Variants in CERKL observed in about 807,000 individuals in gnomAD.
CERKL encodes the protein CERK like autophagy regulator, also known as ceramide kinase-like protein.
A neutral mutation model predicts 63.4 loss-of-function variants in CERKL; 61 were observed. The ratio of observed to expected loss-of-function variants is 0.96; its 90% confidence interval spans 0.78 to 1.19. CERKL has a LOEUF of 1.19. CERKL is among the 50% of genes most tolerant of loss of function. CERKL has a pLI of 0.00. For synonymous variants in CERKL, 250 were observed against 230.5 expected (o/e 1.08, Z -0.77); for missense variants, 675 against 655.5 (o/e 1.03, Z -0.33).
chr2:181,584,398 A>G (rs1425010232), intron 2 of CERKL, among the ~76,000 whole-genome samples: 1 of 152,026 alleles, frequency 6.6e-6, no homozygotes, highest in Non-Finnish European at 1.5e-5. Flanking sequence ...TGTAATCTCA[A>G]CTACTAGGGA....
intron 5 of CERKL, among the ~76,000 whole-genome samples, chr2:181,553,641 C>T (rs1483283128): frequency 6.6e-6 from 1 of 152,122 alleles, no homozygotes; most frequent in Admixed American, 6.6e-5. Context: ...TCTTCTCAGG[C>T]TTTGCAACTT....
At chr2:181,647,877 T>C (rs902079888) in intron 1 of CERKL, among the ~76,000 whole-genome samples, 5 of 151,812 alleles carry the variant, frequency 3.3e-5, no homozygotes, top group Non-Finnish European at 5.9e-5. Flanking sequence ...AGTTATAAAA[T>C]GAGAAATTAA....
intron 1 of CERKL, among the ~76,000 whole-genome samples, chr2:181,613,334 T>C (rs950212430): frequency 1.4e-4 from 21 of 152,194 alleles, no homozygotes; most frequent in Non-Finnish European, 4.4e-5. Context: ...CAAGACAGCA[T>C]ATGTATAAAT....
chr2:181,586,979 A>G (rs780940327), intron 2 of CERKL, among the ~76,000 whole-genome samples: 1 of 152,196 alleles, frequency 6.6e-6, no homozygotes, highest in African/African-American at 2.4e-5. Flanking sequence ...CAAACACAGG[A>G]AATAGAAACC....
intron 1 of CERKL, among the ~76,000 whole-genome samples, chr2:181,655,854 A>C (rs1366673991): frequency 1.3e-5 from 2 of 152,116 alleles, no homozygotes; most frequent in Non-Finnish European, 2.9e-5. Context: ...TTCCTCCCCC[A>C]TTTCATCTGT....
rs1394855991 is a variant in CERKL, at chr2:181,550,861, C to G, written c.821-1153G>C. Among the ~76,000 whole-genome samples, 1 of 151,948 alleles carries G rather than the reference C, an allele frequency of 6.6e-6. No homozygotes were observed. The highest frequency in any genetic ancestry group is 1.5e-5 in the Non-Finnish European group (1 of 67,986). On this transcript the variant is annotated intron_variant, in intron 5 of 12. Transcript: ENST00000410087. This position sits in a 1 kb window ranked among gnomAD's most constrained non-coding sequence, Gnocchi z 4.5. ...TAAGCACAATTACTTCTAGTAATAC[C>G]AGTGCAAAGAAAAGTTTATTTTAAC...
chr2:181,655,650 T>G (rs1404402410), intron 1 of CERKL, among the ~76,000 whole-genome samples: 1 of 152,242 alleles, frequency 6.6e-6, no homozygotes, highest in Admixed American at 6.5e-5. Flanking sequence ...TTGGTTTCAT[T>G]TTGTTAGACT....
intron 2 of CERKL, 88 bp from the exon 3 acceptor site, chr2:181,573,972 A>C (rs1689019312): frequency 1.7e-6 from 2 of 1,195,022 alleles, no homozygotes; most frequent in South Asian, 2.6e-5. Context: ...GTCTGTTAGA[A>C]TGTTATATGC....
chr2:181,540,054 A>C (rs1225102101), intron 11 of CERKL, among the ~76,000 whole-genome samples: 1 of 2,246 alleles, frequency 4.5e-4, no homozygotes, highest in African/African-American at 5.1e-4. Flanking sequence ...TGTAAACCTC[A>C]ATGAAACAGT....
intron 1 of CERKL, among the ~76,000 whole-genome samples, chr2:181,628,538 G>A (rs1446855508): frequency 6.6e-6 from 1 of 152,076 alleles, no homozygotes; most frequent in Non-Finnish European, 1.5e-5. Flanking sequence ...CCAAAGATTA[G>A]TCCAAAGCCT....
chr2:181,600,979 A>AAAAATC (rs1165321379), intron 2 of CERKL, among the ~76,000 whole-genome samples: 1 of 152,122 alleles, frequency 6.6e-6, no homozygotes, highest in African/African-American at 2.4e-5. Context: ...ATAAGATAAA[A>AAAAATC]AAAATCAAAA....
At chr2:181,600,553 C>T (rs1394119023) in intron 2 of CERKL, among the ~76,000 whole-genome samples, 1 of 152,044 alleles carries the variant, frequency 6.6e-6, no homozygotes, top group African/African-American at 2.4e-5. Context: ...TAAAAAAGAA[C>T]AGATGTTGCT....
At position 181,537,425 on chromosome 2, in the gene CERKL, A is replaced by G. The variant is rs925295942; in HGVS notation, c.*759T>C. 8.8e-6 allele frequency: 4 copies of G among 453,812 alleles called. No homozygotes were observed. The Admixed American group carries it at 9.4e-5, about 11-fold the overall frequency. The allele number at this position is 453,812 out of a possible 1,614,324, so 28.1% of individuals were successfully genotyped here. ...TCAAAATAGTATTTGTTATCAACTT[A>G]CTTTGTTACTTGTATCATGAATTTT... On this transcript the variant is annotated 3_prime_UTR_variant, in exon 13 of 13. Transcript: ENST00000410087.
Position 181,544,774 on chromosome 2 carries a change from G to C in CERKL, c.1291C>G (p.Leu431Val), listed in dbSNP as rs34150300. 4.4e-6 allele frequency: 7 copies of C among 1,602,802 alleles called. No homozygotes were observed. Among genetic ancestry groups the C allele is most frequent in the African/African-American group, 4.0e-5 (3 of 74,614 alleles). ...CGAGAAGTGTTTCGGGCAATTATAA[G>C]AGCCATACTTCCATTATTTAATCTG... ...NTRLNNGSMA[L>V]IIARNTSRPE... The change falls in exon 11 of 13, where the codon CTT becomes GTT. Residue 431 changes from leucine to valine, a missense_variant. Leu to Val is a conservative substitution (Grantham distance 32). Coordinates refer to ENST00000410087, the MANE Select transcript of CERKL (RefSeq NM_201548.5).
In CERKL at chr2:181,637,660, A is replaced by C. The variant is rs376988363; in HGVS notation, c.238+19109T>G. On this transcript the variant is annotated intron_variant, in intron 1 of 12. Coordinates refer to ENST00000410087, the MANE Select transcript of CERKL (RefSeq NM_201548.5). ...TACAGGAAGGAAGGAAAAGCATAGAAGGGAAACATAAAAGCTATACTTCCT... is the reference window on the plus strand; with the variant it reads ...TACAGGAAGGAAGGAAAAGCATAGACGGGAAACATAAAAGCTATACTTCCT... Among the ~76,000 whole-genome samples the C allele has an allele frequency of 5.9e-5, 9 of 152,312 alleles. No individual in the cohort carries two copies. In the East Asian group the frequency reaches 1.3e-3, roughly 23 times the overall value.
chr2:181,618,418 A>AT (rs1218883850), intron 1 of CERKL, among the ~76,000 whole-genome samples: 1 of 151,322 alleles, frequency 6.6e-6, no homozygotes, highest in Non-Finnish European at 1.5e-5. Flanking sequence ...TTTTATTTTT[A>AT]TTTTTTTTAT....
intron 1 of CERKL, among the ~76,000 whole-genome samples, chr2:181,652,566 C>G (rs1489174091): frequency 2.0e-5 from 3 of 152,104 alleles, no homozygotes; most frequent in Non-Finnish European, 2.9e-5. Context: ...ATTCTCGACA[C>G]TGACCTGAGC....
rs371886640 is a variant in CERKL at position 181,583,069 on chromosome 2, C to T, written c.482-9185G>A. Among the ~76,000 whole-genome samples, 25 of 151,746 alleles carry T rather than the reference C, an allele frequency of 1.6e-4. 1 individual carries two copies. In the East Asian group the frequency reaches 2.7e-3, roughly 16 times the overall value. On this transcript the variant is annotated intron_variant, in intron 2 of 12. Coordinates refer to ENST00000410087, the MANE Select transcript of CERKL (RefSeq NM_201548.5). ...TTAGTTAACTAAGCATTTATCCTAC[C>T]TTTTTAATATGCGCTATATTTCTGG... is the stretch of plus-strand genomic sequence containing the variant.
intron 1 of CERKL, among the ~76,000 whole-genome samples, chr2:181,656,419 T>G (rs552392003): frequency 1.0e-3 from 152 of 152,296 alleles, no homozygotes; most frequent in African/African-American, 3.5e-3. Flanking sequence ...GTAGTTGACC[T>G]TCTCACATTT....
Sources: gnomAD v4.1 joint callset for allele counts (sites outside exome capture counted in the v4.1 genomes callset) on GRCh38, gnomAD v4.1.1 for gene constraint, Gnocchi (gnomAD v3.1) non-coding constraint, MANE v1.5 for transcripts, NCBI Gene and HGNC (gene_info 2026-07-23, HGNC 2026-07-21) for gene names.